GK5: variants seen among roughly 807,000 people sequenced by gnomAD.
GK5 encodes the protein glycerol kinase 5.
GK5 carries 39 observed loss-of-function variants against 77.3 expected under a neutral mutation model. The ratio of observed to expected loss-of-function variants is 0.50; its 90% confidence interval spans 0.39 to 0.66. GK5 has a LOEUF of 0.66. Among genes scored for constraint, GK5 ranks in the 30% least tolerant of loss-of-function variants. The pLI, the probability that GK5 is intolerant of heterozygous loss-of-function variation, is 0.00. For missense variants in GK5, 487 were observed against 633.8 expected (o/e 0.77, Z 2.49); for synonymous variants, 211 against 208.0 (o/e 1.01, Z -0.13).
intron 11 of GK5, among the ~76,000 whole-genome samples, chr3:142,179,271 A>G (rs1160285071): frequency 6.6e-6 from 1 of 152,260 alleles, no homozygotes; most frequent in Non-Finnish European, 1.5e-5. Flanking sequence ...ATCACTCAAT[A>G]ATAACTACAA....
intron 15 of GK5, among the ~76,000 whole-genome samples, chr3:142,168,633 T>G (rs1433047696): frequency 6.6e-6 from 1 of 152,124 alleles, no homozygotes; most frequent in Non-Finnish European, 1.5e-5. Flanking sequence ...CCCTTTAAAT[T>G]GACATGCCTA....
chr3:142,212,935 C>T (rs1034869217), intron 3 of GK5, among the ~76,000 whole-genome samples: 4 of 150,788 alleles, frequency 2.7e-5, no homozygotes, highest in Middle Eastern at 3.2e-3. Flanking sequence ...CTGGGGTTCA[C>T]GCCATTCTCC....
At chr3:142,214,967 C>T (rs1172859801) in intron 2 of GK5, among the ~76,000 whole-genome samples, 2 of 152,138 alleles carry the variant, frequency 1.3e-5, no homozygotes, top group Non-Finnish European at 2.9e-5. Context: ...GCAACTTTTG[C>T]ATAGACTGAA....
rs199899127 is a variant in GK5 at position 142,180,307 on chromosome 3, C to T, written c.1048+1154G>A. Reference sequence around the variant, plus strand: ...CTTTTGCTTTCCCTCTTTCTTTTTTCTTTTTTTTTTTTGAGACGGAGTTTT... The same window carrying T: ...CTTTTGCTTTCCCTCTTTCTTTTTTTTTTTTTTTTTTTGAGACGGAGTTTT... On this transcript the variant is annotated intron_variant, in intron 11 of 15. Transcript: ENST00000392993. 1.0e-4 allele frequency among the ~76,000 whole-genome samples: 15 copies of T among 143,888 alleles called. No individual in the cohort carries two copies. The South Asian group carries it at 2.0e-3, about 19-fold the overall frequency. 94.4% of individuals were successfully genotyped at this position (143,888 alleles called of 152,430 possible). A position where few individuals can be genotyped will look rare whatever the true frequency, so the allele number is the denominator to read the frequency against.
At chr3:142,168,666 C>G (rs2063500468) in intron 15 of GK5, among the ~76,000 whole-genome samples, 1 of 152,120 alleles carries the variant, frequency 6.6e-6, no homozygotes, top group African/African-American at 2.4e-5. Flanking sequence ...TTCCTCCTCA[C>G]TGATCTTTTC....
At chr3:142,215,529 A>G (rs1009357062) in intron 2 of GK5, 70 bp downstream of exon 2, 13 of 766,506 alleles carry the variant, frequency 1.7e-5, no homozygotes, top group Middle Eastern at 3.7e-4. Flanking sequence ...CCACAACTAC[A>G]GAAGCCTGAG....
In GK5 at chr3:142,205,082, T is replaced by G. The variant is rs1577140791; in HGVS notation, c.318-294A>C. Among the ~76,000 whole-genome samples the G allele has an allele frequency of 3.3e-5, 5 of 152,204 alleles. No homozygotes were observed. In the East Asian group the frequency reaches 9.6e-4, roughly 29 times the overall value. On this transcript the variant is annotated intron_variant, in intron 3 of 15. Transcript: ENST00000392993. ...AAGCAGATTTTTTAAAAGCCAATGC[T>G]TTTCCCCTTTACTGCACTTGTCCTG...
chr3:142,180,623 CTTT>C, intron 11 of GK5, among the ~76,000 whole-genome samples: 1 of 152,080 alleles, frequency 6.6e-6, no homozygotes, highest in East Asian at 1.9e-4. Flanking sequence ...TCTTTGTTTC[CTTT>C]CTTTCCCTTC....
At chr3:142,182,342 G>A (rs889476104) in intron 10 of GK5, among the ~76,000 whole-genome samples, 1 of 151,568 alleles carries the variant, frequency 6.6e-6, no homozygotes, top group African/African-American at 2.4e-5. Context: ...TAGAACCCTA[G>A]TAAGAAGATT....
At chr3:142,203,631 G>A (rs2064061412) in intron 4 of GK5, among the ~76,000 whole-genome samples, 1 of 152,076 alleles carries the variant, frequency 6.6e-6, no homozygotes, top group South Asian at 2.1e-4. Context: ...AAAATTAGCT[G>A]GGCGTGGTGG....
chr3:142,175,147 T>C (rs1290429393), intron 12 of GK5, among the ~76,000 whole-genome samples: 2 of 152,226 alleles, frequency 1.3e-5, no homozygotes, highest in Admixed American at 1.3e-4. Context: ...ATCCTATTAC[T>C]GCCATCATCA....
At chr3:142,205,506 T>A (rs2064091374) in intron 3 of GK5, among the ~76,000 whole-genome samples, 1 of 152,208 alleles carries the variant, frequency 6.6e-6, no homozygotes, top group African/African-American at 2.4e-5. Context: ...TTACATGGTC[T>A]ACCACTCAAA....
intron 11 of GK5, among the ~76,000 whole-genome samples, chr3:142,179,638 C>G (rs887162247): frequency 6.6e-6 from 1 of 152,164 alleles, no homozygotes; most frequent in African/African-American, 2.4e-5. Flanking sequence ...TTGTTGGTAA[C>G]AGATAAAGAA....
intron 14 of GK5, among the ~76,000 whole-genome samples, chr3:142,171,214 C>T (rs2063532710): frequency 6.6e-6 from 1 of 151,582 alleles, no homozygotes; most frequent in South Asian, 2.1e-4. Context: ...CTGAGTGACA[C>T]AGCAAGACTC....
At chr3:142,192,695 T>C (rs900454170) in intron 5 of GK5, among the ~76,000 whole-genome samples, 5 of 148,454 alleles carry the variant, frequency 3.4e-5, no homozygotes, top group African/African-American at 1.0e-4. Flanking sequence ...ACCTGGGAGG[T>C]AGAGGTTGCA....
chr3:142,200,098 T>C (rs113470484), intron 4 of GK5, among the ~76,000 whole-genome samples: 17,467 of 148,752 alleles, frequency 0.12, 1,049 homozygotes, highest in Middle Eastern at 0.15. Context: ...TATATATATA[T>C]ACACACACAC....
At chr3:142,169,440 C>T (rs1228175050) in intron 15 of GK5, among the ~76,000 whole-genome samples, 1 of 152,202 alleles carries the variant, frequency 6.6e-6, no homozygotes, top group Non-Finnish European at 1.5e-5. Context: ...GGCCTGCCTT[C>T]CTGAGAATGT....
intron 1 of GK5, among the ~76,000 whole-genome samples, chr3:142,220,874 T>A (rs2064336497): frequency 6.6e-6 from 1 of 152,174 alleles, no homozygotes; most frequent in African/African-American, 2.4e-5. Context: ...GTAGGACTGG[T>A]TCAAAGTCTT....
chr3:142,194,678 CTG>C (rs1199243248), intron 5 of GK5, among the ~76,000 whole-genome samples: 1 of 151,744 alleles, frequency 6.6e-6, no homozygotes, highest in Admixed American at 6.6e-5. Context: ...GTGACAGACT[CTG>C]TGTCAAAAAA....
Sources: gnomAD v4.1 joint callset for allele counts (sites outside exome capture counted in the v4.1 genomes callset) on GRCh38, gnomAD v4.1.1 for gene constraint, MANE v1.5 for transcripts, NCBI Gene and HGNC (gene_info 2026-07-23, HGNC 2026-07-21) for gene names.